The following ANKRD22 variants were observed in gnomAD, a reference collection of about 807,000 sequenced individuals.
The protein encoded by ANKRD22 is ankyrin repeat domain-containing protein 22.
A neutral mutation model predicts 25.7 loss-of-function variants in ANKRD22; 24 were observed. The ratio of observed to expected loss-of-function variants is 0.93; its 90% CI spans 0.68 to 1.31. The LOEUF (loss-of-function observed/expected upper bound fraction) is 1.31. Ranked by LOEUF, ANKRD22 falls within the 50% of genes most tolerant of loss-of-function variation. The probability of loss-of-function intolerance (pLI) is 0.00; values close to 1 mark genes in which losing one functional copy is unlikely to be tolerated. For synonymous variants in ANKRD22, 84 were observed against 84.3 expected (o/e 1.00, Z 0.02); for missense variants, 214 against 227.1 (o/e 0.94, Z 0.37).
chr10:88,825,005 T>TTTCACACA (rs1843839394), intron 4 of ANKRD22, among the ~76,000 whole-genome samples: 1 of 92,268 alleles, frequency 1.1e-5, no homozygotes, highest in Middle Eastern at 6.0e-3. Flanking sequence ...TCTCTCTCTC[T>TTTCACACA]CTCTCTCACA....
chr10:88,835,974 C>T (rs555386448), intron 1 of ANKRD22, among the ~76,000 whole-genome samples: 1 of 152,128 alleles, frequency 6.6e-6, no homozygotes, highest in Non-Finnish European at 1.5e-5. Context: ...TTTGGGGGCA[C>T]CCTGGGTGTA....
At chr10:88,824,934 G>T (rs1206154270) in intron 4 of ANKRD22, among the ~76,000 whole-genome samples, 2 of 149,842 alleles carry the variant, frequency 1.3e-5, no homozygotes, top group East Asian at 2.0e-4. Flanking sequence ...TTATCCAAAA[G>T]TTCTATTTGA....
At chr10:88,823,785 G>A (rs910098176) in intron 4 of ANKRD22, among the ~76,000 whole-genome samples, 5 of 138,514 alleles carry the variant, frequency 3.6e-5, no homozygotes. Flanking sequence ...CCGAGATTGC[G>A]CCACTGCGCT....
chr10:88,839,820 T>G (rs1843987970), intron 1 of ANKRD22, among the ~76,000 whole-genome samples: 1 of 152,214 alleles, frequency 6.6e-6, no homozygotes, highest in South Asian at 2.1e-4. Context: ...TTCGCCTCAG[T>G]GGTTCTCAAC....
chr10:88,836,053 T>G (rs924527579), intron 1 of ANKRD22, among the ~76,000 whole-genome samples: 1 of 152,212 alleles, frequency 6.6e-6, no homozygotes, highest in South Asian at 2.1e-4. Flanking sequence ...CTTCTGTCCA[T>G]CCTCACTGCT....
chr10:88,822,309 A>C lies in ANKRD22; in HGVS notation c.*632T>G, dbSNP rs567939677. The stretch of plus-strand genomic sequence containing the variant: ...TCACCAAAGGAATATTTACTTGTGA[A>C]TCTCTAAGCCCACACACATACACAA... On this transcript the variant is annotated 3_prime_UTR_variant, in exon 6 of 6. Transcript: ENST00000371930. 2 of 152,266 alleles carry C rather than the reference A, an allele frequency of 1.3e-5. No homozygotes were observed. The highest frequency in any genetic ancestry group is 1.3e-4 in the Admixed American group (2 of 15,290). 9.4% of individuals were successfully genotyped at this position (152,266 alleles called of 1,614,324 possible). A position where few individuals can be genotyped will look rare whatever the true frequency, so the allele number is the denominator to read the frequency against.
chr10:88,836,665 T>G (rs1270143043), intron 1 of ANKRD22, among the ~76,000 whole-genome samples: 2 of 152,192 alleles, frequency 1.3e-5, no homozygotes, highest in Admixed American at 6.5e-5. Flanking sequence ...TGTCCAAAAT[T>G]AAGCTACAGT....
intron 1 of ANKRD22, among the ~76,000 whole-genome samples, chr10:88,849,377 A>G (rs17113606): frequency 0.027 from 4,035 of 152,238 alleles, 120 homozygotes; most frequent in East Asian, 0.17. Context: ...GTGGCAGAAC[A>G]CCAGAGTGGT....
intron 1 of ANKRD22, among the ~76,000 whole-genome samples, chr10:88,848,195 T>C (rs1844070995): frequency 6.8e-6 from 1 of 147,540 alleles, no homozygotes; most frequent in African/African-American, 2.5e-5. Flanking sequence ...TGTATATATG[T>C]ATATATACAT....
chr10:88,842,678 C>A (rs1250726600), intron 1 of ANKRD22, among the ~76,000 whole-genome samples: 1 of 152,034 alleles, frequency 6.6e-6, no homozygotes, highest in Non-Finnish European at 1.5e-5. Flanking sequence ...GCAGAGTTAA[C>A]AAAATTACTA....
rs748392097 is a variant in ANKRD22 at position 88,851,609 on chromosome 10, C to T, written c.-2G>A. The T allele has an allele frequency of 3.1e-6, 5 of 1,613,296 alleles. No individual in the cohort carries two copies. The highest frequency in any genetic ancestry group is 1.3e-5 in the African/African-American group (1 of 74,900). On this transcript the variant is annotated 5_prime_UTR_variant, in exon 1 of 6. Coordinates refer to ENST00000371930, the MANE Select transcript of ANKRD22 (RefSeq NM_144590.3). Reference sequence around the variant, plus strand: ...TACCTCAGAGTATAGGATTCCCATGCTGGTCCTTCACAGGCTTACTTCACC... The same window carrying T: ...TACCTCAGAGTATAGGATTCCCATGTTGGTCCTTCACAGGCTTACTTCACC...
In ANKRD22 at chr10:88,832,073, A is replaced by C. The variant is rs773221814; in HGVS notation, c.22-47T>G. 3 of 1,516,920 alleles carry C rather than the reference A, an allele frequency of 2.0e-6. No individual in the cohort carries two copies. In the Admixed American group the frequency reaches 6.8e-5, roughly 34 times the overall value. 94.0% of individuals were successfully genotyped at this position (1,516,920 alleles called of 1,614,324 possible). On this transcript the variant is annotated intron_variant, in intron 1 of 5. Transcript: ENST00000371930. ...CAGGTTTTGAAATACTGGCATAATT[A>C]AACCACAAAAACGAAAAAAAAGTCA...
chr10:88,840,123 T>G (rs1408419407), intron 1 of ANKRD22, among the ~76,000 whole-genome samples: 1 of 152,176 alleles, frequency 6.6e-6, no homozygotes, highest in Admixed American at 6.5e-5. Flanking sequence ...GGAAAAATTT[T>G]TTGTGTCCTT....
chr10:88,842,224 C>T (rs181474138), intron 1 of ANKRD22, among the ~76,000 whole-genome samples: 67 of 152,278 alleles, frequency 4.4e-4, no homozygotes, highest in Middle Eastern at 6.8e-3. Flanking sequence ...TATATACCAT[C>T]TGTAATGCTA....
chr10:88,846,617 G>T (rs1844051333), intron 1 of ANKRD22, among the ~76,000 whole-genome samples: 1 of 152,162 alleles, frequency 6.6e-6, no homozygotes, highest in Admixed American at 6.6e-5. Context: ...CATGCCTTTT[G>T]TTAGCATGAT....
rs1843818393 is a variant in ANKRD22, at chr10:88,823,276, T to C, written c.498+4A>G. The C allele has an allele frequency of 1.9e-6, 3 of 1,608,964 alleles. No individual in the cohort carries two copies. The highest frequency in any genetic ancestry group is 1.3e-5 in the African/African-American group (1 of 74,742). On this transcript the variant is annotated splice_donor_region_variant and intron_variant, in intron 5 of 5. Coordinates refer to ENST00000371930, the MANE Select transcript of ANKRD22 (RefSeq NM_144590.3). ...ACCTCAGACCACGGTCCACCCTCCC[T>C]TACCTTATTCTTTATTGTGGGGTCT...
Position 88,834,786 on chromosome 10 carries a change from TA to T in ANKRD22, c.22-2761del, listed in dbSNP as rs111261912. ...CCCATCCCTATTAAAAATACAAAAA[TA>T]AAAAAATTAGCAGGGCATGGTGTCT... On this transcript the variant is annotated intron_variant, in intron 1 of 5. Transcript: ENST00000371930. Among the ~76,000 whole-genome samples the T allele has an allele frequency of 9.2e-5, 14 of 151,714 alleles. 2 individuals are homozygous for T. The highest frequency in any genetic ancestry group is 3.4e-4 in the African/African-American group (14 of 41,378).
intron 1 of ANKRD22, among the ~76,000 whole-genome samples, chr10:88,834,048 A>G (rs1264182264): frequency 6.6e-6 from 1 of 152,078 alleles, no homozygotes; most frequent in Admixed American, 6.6e-5. Flanking sequence ...TATTTCTGGG[A>G]CTCTAGTCTC....
chr10:88,828,961 A>T (rs76654844), intron 2 of ANKRD22, among the ~76,000 whole-genome samples: 2 of 152,190 alleles, frequency 1.3e-5, no homozygotes, highest in Admixed American at 6.5e-5. Context: ...TTGGAAAAAA[A>T]GATACACTGA....
Sources: gnomAD v4.1 joint callset for allele counts (sites outside exome capture counted in the v4.1 genomes callset) on GRCh38, gnomAD v4.1.1 for gene constraint, MANE v1.5 for transcripts, NCBI Gene and HGNC (gene_info 2026-07-23, HGNC 2026-07-21) for gene names.